Variants in RAD51B observed in about 807,000 individuals in gnomAD.
RAD51B encodes RAD51 paralog B.
In RAD51B, 38 loss-of-function variants were observed where a neutral mutation model predicts 42.2. That is an observed-to-expected ratio of 0.90 (90% confidence interval 0.70 to 1.18). RAD51B has a LOEUF of 1.18. Ranked by LOEUF, RAD51B falls within the 50% of genes most tolerant of loss-of-function variation. RAD51B has a pLI of 0.00. For missense variants in RAD51B, 373 were observed against 400.7 expected (o/e 0.93, Z 0.59); for synonymous variants, 154 against 145.2 (o/e 1.06, Z -0.43).
chr14:67,872,418 A>AGGTTC (rs2042570591), intron 5 of RAD51B, among the ~76,000 whole-genome samples: 1 of 135,822 alleles, frequency 7.4e-6, no homozygotes, highest in African/African-American at 2.8e-5. Context: ...ACTACAAACC[A>AGGTTC]CTGCTCAAGG....
At chr14:68,516,801 G>C (rs1400530313) in intron 10 of RAD51B, among the ~76,000 whole-genome samples, 1 of 152,130 alleles carries the variant, frequency 6.6e-6, no homozygotes, top group Non-Finnish European at 1.5e-5. Context: ...TTTCAAATTT[G>C]ATATATTTCT....
At chr14:68,411,587 A>G in intron 9 of RAD51B, 60 bp downstream of exon 9, 1 of 1,489,948 alleles carries the variant, frequency 6.7e-7, no homozygotes, top group Non-Finnish European at 9.3e-7. Flanking sequence ...ATACCAAGCA[A>G]TCTGAGCGTC....
chr14:68,537,680 T>C (rs1887718726), intron 10 of RAD51B, among the ~76,000 whole-genome samples: 1 of 152,206 alleles, frequency 6.6e-6, no homozygotes, highest in Admixed American at 6.5e-5. Flanking sequence ...ATTTAGCCCA[T>C]ATCTTGAGAT....
At chr14:68,446,829 C>T (rs2085432531) in intron 9 of RAD51B, among the ~76,000 whole-genome samples, 2 of 152,212 alleles carry the variant, frequency 1.3e-5, no homozygotes. Flanking sequence ...AGGTCAGTTA[C>T]TCCTGACATT....
intron 7 of RAD51B, among the ~76,000 whole-genome samples, chr14:68,287,191 C>T (rs944918609): frequency 5.9e-5 from 9 of 152,112 alleles, no homozygotes; most frequent in African/African-American, 9.7e-5. Context: ...ATCTATACCC[C>T]GTATTTCTTT....
intron 7 of RAD51B, among the ~76,000 whole-genome samples, chr14:67,942,172 TA>T (rs2045232535): frequency 6.6e-6 from 1 of 152,172 alleles, no homozygotes; most frequent in East Asian, 1.9e-4. Context: ...GGGGAAAGGT[TA>T]AAATCCTGTA....
chr14:68,666,435 T>A (rs1012698440), intron 11 of RAD51B, among the ~76,000 whole-genome samples: 2 of 152,244 alleles, frequency 1.3e-5, no homozygotes, highest in Non-Finnish European at 2.9e-5. Context: ...GGGCCAGCAA[T>A]AGATCTGTAC....
intron 8 of RAD51B, among the ~76,000 whole-genome samples, chr14:68,385,679 C>T (rs923741001): frequency 4.6e-5 from 7 of 152,142 alleles, no homozygotes; most frequent in African/African-American, 7.2e-5. Flanking sequence ...GACTGGGATA[C>T]GCAAATTGTT....
intron 10 of RAD51B, among the ~76,000 whole-genome samples, chr14:68,624,872 G>A (rs1312295252): frequency 6.6e-6 from 1 of 152,190 alleles, no homozygotes; most frequent in Non-Finnish European, 1.5e-5. Context: ...GCCCTCCCAT[G>A]CCTCGTGGGA....
intron 9 of RAD51B, among the ~76,000 whole-genome samples, chr14:68,440,799 G>C (rs1382752105): frequency 6.6e-6 from 1 of 152,092 alleles, no homozygotes; most frequent in East Asian, 1.9e-4. Flanking sequence ...TCTAGTCTGT[G>C]GGGATCAAAC....
chr14:68,610,186 T>G (rs1226813695), intron 10 of RAD51B, among the ~76,000 whole-genome samples: 1 of 152,290 alleles, frequency 6.6e-6, no homozygotes, highest in African/African-American at 2.4e-5. Context: ...CTTTCTGTAT[T>G]TCTACCCTCC....
Position 67,935,373 on chromosome 14 carries a change from G to A in RAD51B, c.756+48169G>A, listed in dbSNP as rs146101751. 8.9e-3 allele frequency among the ~76,000 whole-genome samples: 1,348 copies of A among 151,470 alleles called. 21 individuals are homozygous for A. The highest frequency in any genetic ancestry group is 0.031 in the African/African-American group (1,269 of 41,274). On this transcript the variant is annotated intron_variant, in intron 7 of 10. Transcript: ENST00000471583. ...TTCTACAAATACAACTCTTAAAAAA[G>A]TTTTTTTTTCAGAGACAGTCTTGCT...
chr14:68,632,361 T>C (rs929631330), intron 10 of RAD51B, among the ~76,000 whole-genome samples: 1 of 152,176 alleles, frequency 6.6e-6, no homozygotes, highest in African/African-American at 2.4e-5. Flanking sequence ...TCCAAAGTGT[T>C]TCTCAGGGAG....
At chr14:68,379,965 A>G (rs1003092095) in intron 8 of RAD51B, among the ~76,000 whole-genome samples, 4 of 152,244 alleles carry the variant, frequency 2.6e-5, no homozygotes, top group Non-Finnish European at 4.4e-5. Flanking sequence ...ATACTCATAA[A>G]TGCTAGTTAT....
chr14:68,193,496 A>T (rs1164732727), intron 7 of RAD51B, among the ~76,000 whole-genome samples: 1 of 152,144 alleles, frequency 6.6e-6, no homozygotes, highest in Non-Finnish European at 1.5e-5. Context: ...TCATAACTGG[A>T]TGGAAACAAT....
chr14:67,991,860 T>C (rs2075301616), intron 7 of RAD51B, among the ~76,000 whole-genome samples: 1 of 152,120 alleles, frequency 6.6e-6, no homozygotes, highest in Non-Finnish European at 1.5e-5. Flanking sequence ...GATGATAGGC[T>C]TAACCAGCAA....
chr14:68,625,705 T>C (rs543751807), intron 10 of RAD51B, among the ~76,000 whole-genome samples: 1 of 152,206 alleles, frequency 6.6e-6, no homozygotes, highest in Non-Finnish European at 1.5e-5. Context: ...TCCATGTCCC[T>C]AGATGGGCAG....
intron 8 of RAD51B, among the ~76,000 whole-genome samples, chr14:68,297,389 G>A (rs1207185039): frequency 6.6e-6 from 1 of 152,140 alleles, no homozygotes; most frequent in Non-Finnish European, 1.5e-5. Context: ...TACTTAAATT[G>A]TGTGTATTTT....
intron 7 of RAD51B, among the ~76,000 whole-genome samples, chr14:67,904,294 G>A (rs112085141): frequency 0.011 from 1,606 of 152,106 alleles, 41 homozygotes; most frequent in African/African-American, 0.037. Flanking sequence ...TAGGTTGAAC[G>A]ATAGTTCTAA....
Sources: allele counts gnomAD v4.1 joint callset (sites outside exome capture counted in the v4.1 genomes callset), GRCh38; gene constraint gnomAD v4.1.1; transcripts MANE v1.5; gene names NCBI Gene and HGNC (gene_info 2026-07-23, HGNC 2026-07-21).